Variants in PINX1 observed in about 807,000 individuals in gnomAD.
PINX1 encodes PIN2 (TERF1) interacting telomerase inhibitor 1, also known as PIN2/TERF1-interacting telomerase inhibitor 1.
A neutral mutation model predicts 25.4 loss-of-function variants in PINX1; 34 were observed. That is an observed-to-expected ratio of 1.34 (90% CI 1.02 to 1.78). The LOEUF (loss-of-function observed/expected upper bound fraction) is 1.78, where lower values mean the gene tolerates loss of function less well. Ranked by LOEUF, PINX1 falls within the 40% of genes most tolerant of loss-of-function variation. The probability of loss-of-function intolerance (pLI) is 0.00; values close to 1 mark genes in which losing one functional copy is unlikely to be tolerated. For synonymous variants in PINX1, 197 were observed against 147.7 expected (o/e 1.33, Z -2.42); for missense variants, 592 against 404.9 (o/e 1.46, Z -3.97).
Position 10,794,571 on chromosome 8 carries a change from C to T in PINX1, c.471+25622G>A, listed in dbSNP as rs372152868. On this transcript the variant is annotated intron_variant, in intron 6 of 6. Transcript: ENST00000314787. ...CCTGCCAAGTAGCTGGGATTACAGG[C>T]GCCTGCCACCACGTCTGGCTAATTT... 3.6e-4 allele frequency among the ~76,000 whole-genome samples: 54 copies of T among 152,082 alleles called. No homozygotes were observed. The South Asian group carries it at 7.1e-3, about 20-fold the overall frequency.
In PINX1 at chr8:10,794,669, T is replaced by C. The variant is rs563001561; in HGVS notation, c.471+25524A>G. On this transcript the variant is annotated intron_variant, in intron 6 of 6. Coordinates refer to ENST00000314787, the MANE Select transcript of PINX1 (RefSeq NM_017884.6). ...CTCGAACTCCTGACCTTGTGATCCG[T>C]CCGATCACGAGGCTTCCCAAAGTGC... 2.0e-3 allele frequency among the ~76,000 whole-genome samples: 306 copies of C among 152,226 alleles called. 1 individual carries two copies. Among genetic ancestry groups the C allele is most frequent in the African/African-American group, 7.2e-3 (299 of 41,542 alleles).
chr8:10,810,252 C>T (rs1563224230), intron 6 of PINX1, among the ~76,000 whole-genome samples: 1 of 152,210 alleles, frequency 6.6e-6, no homozygotes, highest in Non-Finnish European at 1.5e-5. Flanking sequence ...AGACAAGACA[C>T]TACTGTTTCC....
rs372610983 is a variant in PINX1 at position 10,831,674 on chromosome 8, C to G, written c.292G>C (p.Glu98Gln). Reference sequence around the variant, plus strand: ...CATCTGATTTCCCTACCTGTGGTTTCCTGCCCATGGCAAGTGTTCAGTTCG... The same window carrying G: ...CATCTGATTTCCCTACCTGTGGTTTGCTGCCCATGGCAAGTGTTCAGTTCG... ...LAELNTCHGQ[E>Q]TTDSSDKKEK... Residue 98 changes from glutamate to glutamine, a missense_variant, in exon 4 of 7, where the codon GAA (glutamate) becomes CAA (glutamine). Glu to Gln is a conservative substitution (Grantham distance 29). Transcript: ENST00000314787. The G allele has an allele frequency of 6.3e-7, 1 of 1,597,034 alleles. No individual in the cohort carries two copies. Among genetic ancestry groups the G allele is most frequent in the Non-Finnish European group, 8.6e-7 (1 of 1,167,808 alleles).
chr8:10,813,228 G>T (rs951571476), intron 6 of PINX1, among the ~76,000 whole-genome samples: 1 of 152,124 alleles, frequency 6.6e-6, no homozygotes, highest in Non-Finnish European at 1.5e-5. Context: ...GATGTGGAGT[G>T]GGGGGAGGGT....
chr8:10,818,633 G>T (rs775543540), intron 6 of PINX1, among the ~76,000 whole-genome samples: 3 of 152,158 alleles, frequency 2.0e-5, no homozygotes, highest in Non-Finnish European at 2.9e-5. Context: ...AACGTGCAGG[G>T]ATGTGGAAAC....
intron 6 of PINX1, among the ~76,000 whole-genome samples, chr8:10,803,897 T>C (rs563904248): frequency 6.6e-6 from 1 of 152,246 alleles, no homozygotes; most frequent in Non-Finnish European, 1.5e-5. Context: ...AATTCTTTCA[T>C]AGGGCTATCA....
intron 6 of PINX1, among the ~76,000 whole-genome samples, chr8:10,782,477 TG>T (rs1465024067): frequency 1.3e-5 from 2 of 152,150 alleles, no homozygotes; most frequent in African/African-American, 2.4e-5. Context: ...GGCTCACGCC[TG>T]TAATCCTAGC....
chr8:10,767,567 G>C lies in PINX1; in HGVS notation c.472-1651C>G, dbSNP rs544508342. Among the ~76,000 whole-genome samples, 6 of 152,328 alleles carry C rather than the reference G, an allele frequency of 3.9e-5. No homozygotes were observed. The South Asian group carries it at 1.2e-3, about 32-fold the overall frequency. On this transcript the variant is annotated intron_variant, in intron 6 of 6. Coordinates refer to ENST00000314787, the MANE Select transcript of PINX1 (RefSeq NM_017884.6). ...ATTTTGAGAAAAATAAAAAAAATCT[G>C]CCTCAGGAGATTTGTCTTTTTGTTC...
intron 6 of PINX1, among the ~76,000 whole-genome samples, chr8:10,788,558 CTG>C (rs779728050): frequency 6.6e-6 from 1 of 151,536 alleles, no homozygotes; most frequent in Non-Finnish European, 1.5e-5. Flanking sequence ...GAGCAAGACA[CTG>C]TCTCAAAAAA....
At chr8:10,773,518 A>G (rs1438866360) in intron 6 of PINX1, among the ~76,000 whole-genome samples, 1 of 152,236 alleles carries the variant, frequency 6.6e-6, no homozygotes, top group African/African-American at 2.4e-5. Context: ...AAACTCAGAC[A>G]CACCGGACAT....
chr8:10,779,540 ATCTC>A (rs548336579), intron 6 of PINX1, among the ~76,000 whole-genome samples: 12 of 152,170 alleles, frequency 7.9e-5, no homozygotes, highest in East Asian at 7.7e-4. Context: ...AACCCTCTGA[ATCTC>A]TCTCTCTCTT....
At chr8:10,769,720 C>T (rs1391997910) in intron 6 of PINX1, among the ~76,000 whole-genome samples, 2 of 152,200 alleles carry the variant, frequency 1.3e-5, no homozygotes, top group African/African-American at 2.4e-5. Flanking sequence ...ACTTAATCCG[C>T]AGAAGGTCTC....
intron 6 of PINX1, among the ~76,000 whole-genome samples, chr8:10,791,747 C>A (rs377001108): frequency 3.3e-5 from 5 of 152,280 alleles, no homozygotes; most frequent in Admixed American, 1.3e-4. Context: ...TGACTACAAA[C>A]TATAAACCCT....
rs370560918 is a variant in PINX1, at chr8:10,825,448, T to C, written c.394+704A>G. ...AGGTTTCTAATTCATGATACTGTTC[T>C]ACAGACAAACTGGGGAGTTGGTTCT... On this transcript the variant is annotated intron_variant, in intron 5 of 6. Transcript: ENST00000314787. The C allele has an allele frequency of 1.5e-5, 8 of 534,694 alleles. No individual in the cohort carries two copies. In the African/African-American group the frequency reaches 1.5e-4, roughly 10 times the overall value. The allele number at this position is 534,694 out of a possible 1,614,324, so 33.1% of individuals were successfully genotyped here.
chr8:10,812,929 A>G (rs900536956), intron 6 of PINX1, among the ~76,000 whole-genome samples: 1 of 152,208 alleles, frequency 6.6e-6, no homozygotes, highest in Non-Finnish European at 1.5e-5. Flanking sequence ...ACTAATTTTC[A>G]TCTAGCTGCT....
chr8:10,791,986 G>A (rs542971244), intron 6 of PINX1, among the ~76,000 whole-genome samples: 1 of 152,162 alleles, frequency 6.6e-6, no homozygotes, highest in Non-Finnish European at 1.5e-5. Flanking sequence ...TGGCAGTGAT[G>A]AGACTCTTAA....
At chr8:10,800,328 A>G (rs1692913868) in intron 6 of PINX1, among the ~76,000 whole-genome samples, 1 of 152,214 alleles carries the variant, frequency 6.6e-6, no homozygotes, top group Non-Finnish European at 1.5e-5. Context: ...ATGTTACCGC[A>G]GAGTTTTAAA....
Position 10,800,601 on chromosome 8 carries a change from C to G in PINX1, c.471+19592G>C, listed in dbSNP as rs571628262. Among the ~76,000 whole-genome samples the G allele has an allele frequency of 4.2e-4, 64 of 152,092 alleles. 3 individuals carry two copies. In the South Asian group the frequency reaches 0.013, roughly 31 times the overall value. On this transcript the variant is annotated intron_variant, in intron 6 of 6. Transcript: ENST00000314787. ...TCTCCTACCTCAGCCTCCTGAATAGCTGGGATTACAGGTGCACACCACCAC... is the reference window on the plus strand; with the variant it reads ...TCTCCTACCTCAGCCTCCTGAATAGGTGGGATTACAGGTGCACACCACCAC...
At chr8:10,782,768 C>A (rs1348108686) in intron 6 of PINX1, among the ~76,000 whole-genome samples, 1 of 144,890 alleles carries the variant, frequency 6.9e-6, no homozygotes, top group Non-Finnish European at 1.5e-5. Context: ...CAGACTCCCA[C>A]TGGGTAGAAA....
Sources: allele counts gnomAD v4.1 joint callset (sites outside exome capture counted in the v4.1 genomes callset), GRCh38; gene constraint gnomAD v4.1.1; transcripts MANE v1.5; gene names NCBI Gene and HGNC (gene_info 2026-07-23, HGNC 2026-07-21).